Variants in SNX30 observed in about 807,000 individuals in gnomAD.
SNX30 encodes sorting nexin family member 30, also known as sorting nexin-30.
Under a neutral mutation model 46.4 loss-of-function variants are expected in SNX30, and 24 were observed. The observed-to-expected ratio is 0.52, with a 90% CI of 0.37 to 0.73. The LOEUF (loss-of-function observed/expected upper bound fraction) is 0.73. Ranked by LOEUF, SNX30 falls within the 30% of genes least tolerant of loss-of-function variation. SNX30 has a pLI of 0.00. For synonymous variants in SNX30, 189 were observed against 211.5 expected, an observed-to-expected ratio of 0.89 and a Z score of 0.92; for missense variants, 533 against 555.7, an observed-to-expected ratio of 0.96 and a Z score of 0.41.
At chr9:112,791,955 AT>A (rs1346801360) in intron 1 of SNX30, among the ~76,000 whole-genome samples, 1 of 151,826 alleles carries the variant, frequency 6.6e-6, no homozygotes, top group Admixed American at 6.6e-5. Flanking sequence ...CCTGGTATAT[AT>A]TTTTTTTCCA....
chr9:112,807,775 G>T (rs547017245), intron 2 of SNX30, among the ~76,000 whole-genome samples: 1 of 152,126 alleles, frequency 6.6e-6, no homozygotes, highest in East Asian at 1.9e-4. Flanking sequence ...AGGCTAACGC[G>T]CAACTGCAAC....
At chr9:112,752,711 G>A (rs750725000) in intron 1 of SNX30, among the ~76,000 whole-genome samples, 5 of 152,218 alleles carry the variant, frequency 3.3e-5, no homozygotes, top group African/African-American at 7.2e-5. Flanking sequence ...TCAGTTCTGT[G>A]TGGGACACTG....
intron 1 of SNX30, among the ~76,000 whole-genome samples, chr9:112,792,252 TTCTC>T (rs888219244): frequency 6.6e-6 from 1 of 152,216 alleles, no homozygotes; most frequent in African/African-American, 2.4e-5. Flanking sequence ...TTTAGGTTTT[TTCTC>T]TCTATTTAAT....
At chr9:112,792,394 GT>G (rs1457928014) in intron 1 of SNX30, among the ~76,000 whole-genome samples, 1 of 152,110 alleles carries the variant, frequency 6.6e-6, no homozygotes, top group African/African-American at 2.4e-5. Context: ...GTTCTAAATA[GT>G]TATTGCCTGT....
chr9:112,817,676 C>A, intron 2 of SNX30, 29 bp from the exon 3 acceptor site: 1 of 1,336,548 alleles, frequency 7.5e-7, no homozygotes, highest in Non-Finnish European at 1.1e-6. Context: ...TTCCCTTATG[C>A]TTATTTTTTT....
At chr9:112,797,298 A>G (rs1363942515) in intron 1 of SNX30, among the ~76,000 whole-genome samples, 1 of 152,176 alleles carries the variant, frequency 6.6e-6, no homozygotes, top group Non-Finnish European at 1.5e-5. Context: ...CATTTGTCCC[A>G]CTGACTACCC....
intron 1 of SNX30, among the ~76,000 whole-genome samples, chr9:112,769,128 T>A (rs1839602623): frequency 6.6e-6 from 1 of 152,216 alleles, no homozygotes; most frequent in African/African-American, 2.4e-5. Context: ...TTTGGCAACA[T>A]ATATCAAAAT....
At chr9:112,785,854 C>T (rs889517197) in intron 1 of SNX30, among the ~76,000 whole-genome samples, 17 of 152,104 alleles carry the variant, frequency 1.1e-4, no homozygotes, top group Non-Finnish European at 1.9e-4. Flanking sequence ...TGTCTAACAA[C>T]ACTATACCTA....
intron 2 of SNX30, among the ~76,000 whole-genome samples, chr9:112,805,378 A>G (rs1197824205): frequency 2.0e-5 from 3 of 152,180 alleles, no homozygotes; most frequent in Non-Finnish European, 4.4e-5. Context: ...TAATGGGAGG[A>G]TAGAAACTAA....
At chr9:112,854,904 C>T (rs1351715609) in intron 7 of SNX30, among the ~76,000 whole-genome samples, 6 of 152,252 alleles carry the variant, frequency 3.9e-5, no homozygotes, top group East Asian at 1.9e-4. Context: ...TAGTGTCTGA[C>T]GTAGTGACAG....
At chr9:112,829,062 T>C (rs974567654) in intron 3 of SNX30, among the ~76,000 whole-genome samples, 3 of 152,216 alleles carry the variant, frequency 2.0e-5, no homozygotes, top group Non-Finnish European at 2.9e-5. Context: ...CCAGGGTTTT[T>C]CCATGATGTA....
chr9:112,751,167 C>A lies in SNX30; in HGVS notation c.156+10C>A. 6.7e-7 allele frequency: 1 copy of A among 1,498,140 alleles called. No individual in the cohort carries two copies. The highest frequency in any genetic ancestry group is 1.3e-5 in the South Asian group (1 of 78,526). The allele number at this position is 1,498,140 out of a possible 1,614,324, so 92.8% of individuals were successfully genotyped here. On this transcript the variant is annotated intron_variant, in intron 1 of 8. Coordinates refer to ENST00000374232, the MANE Select transcript of SNX30 (RefSeq NM_001012994.2). ...CAGCTTCGGTGACAAGGTGGGGCGC[C>A]TGGGGCCGGGGAGTGGGAGGCTTAT...
intron 1 of SNX30, among the ~76,000 whole-genome samples, chr9:112,756,676 G>A (rs1244346085): frequency 2.0e-5 from 3 of 152,016 alleles, no homozygotes; most frequent in Non-Finnish European, 4.4e-5. Flanking sequence ...GGCCAGGCTG[G>A]TCTCGAACTC....
chr9:112,807,430 A>G (rs1353223521), intron 2 of SNX30, among the ~76,000 whole-genome samples: 1 of 152,122 alleles, frequency 6.6e-6, no homozygotes, highest in Non-Finnish European at 1.5e-5. Context: ...ACGTGTGCAC[A>G]TGCATAGTCT....
chr9:112,774,680 G>T (rs1839709793), intron 1 of SNX30, among the ~76,000 whole-genome samples: 1 of 152,048 alleles, frequency 6.6e-6, no homozygotes, highest in Non-Finnish European at 1.5e-5. Context: ...TCTCATTGTG[G>T]TTATAATTTG....
rs1259803560 is a variant in SNX30 at position 112,830,790 on chromosome 9, C to T, written c.525C>T (p.Thr175=). ...GTTTTTCAGAAGAGTTTGTGGAGAC[C>T]AGAAGAAAAGCTTTGGATAAATTTC... ...VDRFSEEFVE[T]RRKALDKFLK... The change falls in exon 4 of 9, where the codon ACC becomes ACT. Residue 175 remains threonine (T), a synonymous_variant. Transcript: ENST00000374232. 2 of 1,613,796 alleles carry T rather than the reference C, an allele frequency of 1.2e-6. No individual in the cohort carries two copies. The highest frequency in any genetic ancestry group is 2.2e-5 in the East Asian group (1 of 44,840).
chr9:112,776,625 C>T (rs1411576754), intron 1 of SNX30, among the ~76,000 whole-genome samples: 1 of 152,222 alleles, frequency 6.6e-6, no homozygotes, highest in Non-Finnish European at 1.5e-5. Flanking sequence ...GCCACACGCT[C>T]ATGTCTATGT....
At chr9:112,752,692 A>T (rs1049224043) in intron 1 of SNX30, among the ~76,000 whole-genome samples, 2 of 152,206 alleles carry the variant, frequency 1.3e-5, no homozygotes, top group East Asian at 3.8e-4. Flanking sequence ...GTTAAACCTC[A>T]TTTCCTTCTC....
At chr9:112,756,987 T>G (rs998632691) in intron 1 of SNX30, among the ~76,000 whole-genome samples, 7 of 152,236 alleles carry the variant, frequency 4.6e-5, no homozygotes, top group African/African-American at 1.4e-4. Context: ...CATTTTGTTT[T>G]TGTGGCAAGA....
Sources: allele counts gnomAD v4.1 joint callset (sites outside exome capture counted in the v4.1 genomes callset), GRCh38; gene constraint gnomAD v4.1.1; transcripts MANE v1.5; gene names NCBI Gene and HGNC (gene_info 2026-07-23, HGNC 2026-07-21).